TRIM47: variants seen among roughly 807,000 people sequenced by gnomAD.
TRIM47 encodes the protein tripartite motif containing 47.
TRIM47 carries 46 observed loss-of-function variants against 54.4 expected under a neutral mutation model. That is an observed-to-expected ratio of 0.84 (90% CI 0.67 to 1.08). TRIM47 has a LOEUF of 1.08. TRIM47 is among the 50% of genes least tolerant of loss of function. TRIM47 has a pLI of 0.00. For missense variants in TRIM47, 825 were observed against 910.1 expected (o/e 0.91, Z 1.20); for synonymous variants, 392 against 410.2 (o/e 0.96, Z 0.54).
chr17:75,876,040 CG>C lies in TRIM47; in HGVS notation c.1061del (p.Pro354ArgfsTer16), dbSNP rs1316079718. 6.2e-7 allele frequency: 1 copy of C among 1,602,956 alleles called. No individual in the cohort carries two copies. The highest frequency in any genetic ancestry group is 1.3e-5 in the African/African-American group (1 of 74,944). On this transcript the variant is annotated frameshift_variant, in exon 4 of 6. Coordinates refer to ENST00000254816, the MANE Select transcript of TRIM47 (RefSeq NM_033452.3). LOFTEE classifies it high-confidence loss of function. The stretch of plus-strand genomic sequence containing the variant: ...ATGATTTGGTGAAGCTGAGCTCCCT[CG>C]GGGGTCCAGGCCCAGGGCCACACCC... The part of the protein sequence containing the change: ...EDGCGPGPGP[P>X]RELSFTKSSQ...
Position 75,878,203 on chromosome 17 carries a change from C to A in TRIM47, c.346G>T (p.Ala116Ser). The change falls in exon 1 of 6, where the codon GCT (alanine) becomes TCT (serine). Residue 116 changes from alanine to serine, a missense_variant. By Grantham distance (99) the Ala-to-Ser change is moderately conservative. Transcript: ENST00000254816. ...PSVPEPSAPCAPEPWPAGEEP... is the reference protein window; with the variant it reads ...PSVPEPSAPCSPEPWPAGEEP... The stretch of plus-strand genomic sequence containing the variant: ...TCGCCCGCGGGCCACGGCTCGGGAG[C>A]GCAGGGGGCCGACGGCTCCGGGACA... 3.3e-6 allele frequency: 4 copies of A among 1,227,632 alleles called. No individual in the cohort carries two copies. The highest frequency in any genetic ancestry group is 4.1e-6 in the Non-Finnish European group (4 of 985,652). The allele number at this position is 1,227,632 out of a possible 1,614,324, so 76.0% of individuals were successfully genotyped here.
intron 1 of TRIM47, chr17:75,877,292 G>A (rs1275740236): frequency 6.0e-6 from 1 of 166,184 alleles, no homozygotes; most frequent in African/African-American, 2.4e-5. Context: ...GGTCTTATGA[G>A]TCACTGCTCC....
Position 75,874,381 on chromosome 17 carries a change from G to T in TRIM47, c.*102C>A. 9.0e-7 allele frequency: 1 copy of T among 1,109,434 alleles called. No homozygotes were observed. The highest frequency in any genetic ancestry group is 1.2e-6 in the Non-Finnish European group (1 of 801,312). The allele number at this position is 1,109,434 out of a possible 1,614,324, so 68.7% of individuals were successfully genotyped here. On this transcript the variant is annotated 3_prime_UTR_variant, in exon 6 of 6. Coordinates refer to ENST00000254816, the MANE Select transcript of TRIM47 (RefSeq NM_033452.3). The surrounding 1 kb of genome is among the most constrained non-coding windows in gnomAD (Gnocchi z 6.2). ...GAAGCCTCTAGAAATGAGAAGGCTG[G>T]GTGTGTGGGACTCATGCTGGTGCCT...
chr17:75,875,841 G>C lies in TRIM47; in HGVS notation c.1201+60C>G. 1 of 1,553,078 alleles carries C rather than the reference G, an allele frequency of 6.4e-7. No homozygotes were observed. The highest frequency in any genetic ancestry group is 2.3e-5 in the East Asian group (1 of 42,970). The stretch of plus-strand genomic sequence containing the variant: ...ACTTCTGGATGGGCGCCAGGCCTGG[G>C]GGCCTGTGCGAGAGGCTGGCAGAGG... On this transcript the variant is annotated intron_variant, in intron 4 of 5. Coordinates refer to ENST00000254816, the MANE Select transcript of TRIM47 (RefSeq NM_033452.3). The surrounding 1 kb of genome is among the most constrained non-coding windows in gnomAD (Gnocchi z 6.1).
chr17:75,874,666 G>A lies in TRIM47; in HGVS notation c.1734C>T (p.Ser578=), dbSNP rs1354814607. ...CCGGGATGCCACCCCGGCGGGGCCG[G>A]GAGGCCTTCAGCCTCCGCAGGAGGC... ...KMSLLRRLKA[S]RPRRGGIPAS... The change falls in exon 6 of 6, where the codon TCC becomes TCT. Residue 578 remains serine (S), a synonymous_variant. Coordinates refer to ENST00000254816, the MANE Select transcript of TRIM47 (RefSeq NM_033452.3). The surrounding 1 kb of genome is among the most constrained non-coding windows in gnomAD (Gnocchi z 6.2). The A allele has an allele frequency of 1.3e-6, 2 of 1,599,416 alleles. No homozygotes were observed. The highest frequency in any genetic ancestry group is 1.3e-5 in the African/African-American group (1 of 74,344).
rs554195809 is a variant in TRIM47 at position 75,876,326 on chromosome 17, C to T, written c.938G>A (p.Arg313His). 8.3e-5 allele frequency: 134 copies of T among 1,611,040 alleles called. No individual in the cohort carries two copies. Among genetic ancestry groups the T allele is most frequent in the South Asian group, 1.8e-4 (16 of 91,068 alleles). The change falls in exon 3 of 6, where the codon CGC becomes CAC. Residue 313 changes from arginine to histidine, a missense_variant. Coordinates refer to ENST00000254816, the MANE Select transcript of TRIM47 (RefSeq NM_033452.3). ...DLRRQEEQRS[R>H]LSRARQNLSQ... Reference sequence around the variant, plus strand: ...GAGATTCTGGCGGGCTCGGCTCAGGCGGCTGCGCTGTTCCTCCTGTCGCCG... The same window carrying T: ...GAGATTCTGGCGGGCTCGGCTCAGGTGGCTGCGCTGTTCCTCCTGTCGCCG...
chr17:75,876,239 G>A (rs773797819), intron 3 of TRIM47, 23 bp downstream of exon 3: 15 of 1,589,214 alleles, frequency 9.4e-6, no homozygotes, highest in African/African-American at 6.7e-5. Context: ...TGTTCCTTCC[G>A]TGGCCCCCAG....
intron 1 of TRIM47, 21 bp downstream of exon 1, chr17:75,877,853 G>T: frequency 1.5e-6 from 2 of 1,309,934 alleles, no homozygotes; most frequent in Admixed American, 4.0e-5. Flanking sequence ...CGGCTCACCC[G>T]AGTGTGCCCC....
rs372056120 is a variant in TRIM47, at chr17:75,876,369, G to C, written c.895C>G (p.Arg299Gly). The C allele has an allele frequency of 2.2e-5, 35 of 1,612,036 alleles. No individual in the cohort carries two copies. The highest frequency in any genetic ancestry group is 3.0e-5 in the Non-Finnish European group (35 of 1,179,968). The change falls in exon 3 of 6, where the codon CGC becomes GGC. Residue 299 changes from arginine (R) to glycine (G), a missense_variant. Coordinates refer to ENST00000254816, the MANE Select transcript of TRIM47 (RefSeq NM_033452.3). ...TGTCGCCGCAGGTCACCCTGGGAGC[G>C]GCCTAGCATGGCAGCTTCCCCCTCC... ...IEEGEAAMLG[R>G]SQGDLRRQEE...
At chr17:75,877,841 C>G in intron 1 of TRIM47, 33 bp downstream of exon 1, 1 of 1,299,598 alleles carries the variant, frequency 7.7e-7, no homozygotes, top group Non-Finnish European at 9.8e-7. Context: ...GGTCACCAGC[C>G]CCGGCTCACC....
chr17:75,877,248 C>A (rs571669056), intron 1 of TRIM47: 18 of 181,472 alleles, frequency 9.9e-5, no homozygotes, highest in South Asian at 8.2e-4. Context: ...ACAGTCCAGG[C>A]CTGGAAAAAA....
chr17:75,878,443 G>C lies in TRIM47; in HGVS notation c.106C>G (p.Leu36Val). The change falls in exon 1 of 6, where the codon CTC (leucine) becomes GTC (valine). Residue 36 changes from leucine (L) to valine (V), a missense_variant. Transcript: ENST00000254816. Reference protein sequence around the residue: ...HNFCLACLGALWPHRGASGAG... With the variant: ...HNFCLACLGAVWPHRGASGAG... Reference sequence around the variant, plus strand: ...CCACTCGCGCCACGATGCGGCCAGAGCGCGCCCAGGCAGGCGAGACAGAAG... The same window carrying C: ...CCACTCGCGCCACGATGCGGCCAGACCGCGCCCAGGCAGGCGAGACAGAAG... 7.0e-7 allele frequency: 1 copy of C among 1,427,986 alleles called. No homozygotes were observed. The highest frequency in any genetic ancestry group is 9.3e-7 in the Non-Finnish European group (1 of 1,080,832). 88.5% of individuals were successfully genotyped at this position (1,427,986 alleles called of 1,614,324 possible).
In TRIM47 at chr17:75,875,753, GGCAGCT is replaced by G; in HGVS notation, c.1201+142_1201+147del. 4 of 948,188 alleles carry G rather than the reference GGCAGCT, an allele frequency of 4.2e-6. No homozygotes were observed. The highest frequency in any genetic ancestry group is 6.3e-6 in the Non-Finnish European group (4 of 639,464). The allele number at this position is 948,188 out of a possible 1,614,324, so 58.7% of individuals were successfully genotyped here. On this transcript the variant is annotated intron_variant, in intron 4 of 5. Transcript: ENST00000254816. The surrounding 1 kb of genome is among the most constrained non-coding windows in gnomAD (Gnocchi z 6.1). Reference sequence around the variant, plus strand: ...AGGGGCTGATTGATCCCCACAGGGTGGCAGCTCTAGTCACTGGCAGGATTTGGGCTC... The same window carrying G: ...AGGGGCTGATTGATCCCCACAGGGTGCTAGTCACTGGCAGGATTTGGGCTC...
Position 75,875,071 on chromosome 17 carries a change from C to T in TRIM47, c.1329G>A (p.Leu443=). 6.2e-7 allele frequency: 1 copy of T among 1,610,052 alleles called. No individual in the cohort carries two copies. The highest frequency in any genetic ancestry group is 8.5e-7 in the Non-Finnish European group (1 of 1,176,696). Reference sequence around the variant, plus strand: ...CCCTCTTGACACCTTTGGTTCCAAACAGCTGCAGGAACTTGTCTGCTGTGT... The same window carrying T: ...CCCTCTTGACACCTTTGGTTCCAAATAGCTGCAGGAACTTGTCTGCTGTGT... The part of the protein sequence containing the change: ...DSDTADKFLQ[L]FGTKGVKRVL... Residue 443 remains leucine (L), a synonymous_variant, in exon 6 of 6, where the codon CTG becomes CTA. Transcript: ENST00000254816. The surrounding 1 kb of genome is among the most constrained non-coding windows in gnomAD (Gnocchi z 6.1).
At position 75,875,455 on chromosome 17, in the gene TRIM47, G is replaced by A; in HGVS notation, c.1221C>T (p.Asp407=). The A allele has an allele frequency of 1.9e-6, 3 of 1,614,110 alleles. No individual in the cohort carries two copies. The highest frequency in any genetic ancestry group is 2.5e-6 in the Non-Finnish European group (3 of 1,179,994). The change falls in exon 5 of 6, where the codon GAC becomes GAT. Residue 407 remains aspartate (D), a synonymous_variant. Transcript: ENST00000254816. The surrounding 1 kb of genome is among the most constrained non-coding windows in gnomAD (Gnocchi z 6.1). ...TCTCCAAGAGGTTCGTACTCTCGAG[G>A]TCTTGGGGCTCAGCATCAGCTGTAG... is the stretch of plus-strand genomic sequence containing the variant. ...LDSEADAEPQ[D]LESTNLLESE...
chr17:75,875,281 C>A lies in TRIM47; in HGVS notation c.1276+119G>T. The A allele has an allele frequency of 7.0e-7, 1 of 1,435,274 alleles. No homozygotes were observed. The highest frequency in any genetic ancestry group is 9.7e-7 in the Non-Finnish European group (1 of 1,034,686). 88.9% of individuals were successfully genotyped at this position (1,435,274 alleles called of 1,614,324 possible). On this transcript the variant is annotated intron_variant, in intron 5 of 5. Coordinates refer to ENST00000254816, the MANE Select transcript of TRIM47 (RefSeq NM_033452.3). This position sits in a 1 kb window ranked among gnomAD's most constrained non-coding sequence, Gnocchi z 6.1. ...GGGACCACCCCAGGAGCTGCCCTAG[C>A]TCTCCCCACAAACTGGGGAGAGGAA...
Position 75,875,152 on chromosome 17 carries a change from G to T in TRIM47, c.1277-29C>A. 6.4e-7 allele frequency: 1 copy of T among 1,562,824 alleles called. No homozygotes were observed. On this transcript the variant is annotated intron_variant, in intron 5 of 5. Transcript: ENST00000254816. This position sits in a 1 kb window ranked among gnomAD's most constrained non-coding sequence, Gnocchi z 6.1. ...ATCCCGTGGACAGAAGAGAGAGGCA[G>T]GGCTCAGGGCCAGGCTCAGAGGGCA...
intron 2 of TRIM47, 53 bp downstream of exon 2, chr17:75,876,665 G>T: frequency 6.3e-7 from 1 of 1,597,704 alleles, no homozygotes; most frequent in South Asian, 1.1e-5. Context: ...CAGTAGGTAT[G>T]GGCATGGTTT....
chr17:75,874,732 G>A lies in TRIM47; in HGVS notation c.1668C>T (p.Asp556=). The change falls in exon 6 of 6, where the codon GAC becomes GAT. Residue 556 remains aspartate, a synonymous_variant. Transcript: ENST00000254816. This position sits in a 1 kb window ranked among gnomAD's most constrained non-coding sequence, Gnocchi z 6.2. ...PTVGVCLEYA[D]RALAFYAVRD... is the part of the protein sequence containing the mutation. ...GTACAGCATAGAAGGCCAAGGCACG[G>A]TCAGCGTATTCCAGGCAGACCCCAA... 1 of 1,614,048 alleles carries A rather than the reference G, an allele frequency of 6.2e-7. No individual in the cohort carries two copies. Among genetic ancestry groups the A allele is most frequent in the African/African-American group, 1.3e-5 (1 of 75,066 alleles).
Sources: gnomAD v4.1 joint callset for allele counts on GRCh38, gnomAD v4.1.1 for gene constraint, Gnocchi (gnomAD v3.1) non-coding constraint, MANE v1.5 for transcripts, NCBI Gene and HGNC (gene_info 2026-07-23, HGNC 2026-07-21) for gene names.